The following EPYC variants were observed in gnomAD, a reference collection of about 807,000 sequenced individuals.
EPYC encodes the protein dermatan sulfate proteoglycan 3.
A neutral mutation model predicts 30.1 loss-of-function variants in EPYC; 28 were observed. That is an observed-to-expected ratio of 0.93 (90% confidence interval 0.69 to 1.28). EPYC has a LOEUF of 1.28. Ranked by LOEUF, EPYC falls within the 50% of genes most tolerant of loss-of-function variation. The probability of loss-of-function intolerance (pLI) is 0.00; values close to 1 mark genes in which losing one functional copy is unlikely to be tolerated. For synonymous variants in EPYC, 144 were observed against 141.4 expected (o/e 1.02, Z -0.13); for missense variants, 382 against 383.5 (o/e 1.00, Z 0.03).
intron 3 of EPYC, 84 bp downstream of exon 3, chr12:90,978,004 G>A (rs1877227867): frequency 1.6e-6 from 2 of 1,274,012 alleles, no homozygotes; most frequent in Non-Finnish European, 2.1e-6. Flanking sequence ...GTCATGTCAT[G>A]TGGTTTCCCT....
At chr12:90,979,198 T>A (rs527732981) in intron 2 of EPYC, among the ~76,000 whole-genome samples, 1 of 152,214 alleles carries the variant, frequency 6.6e-6, no homozygotes, top group Admixed American at 6.6e-5. Context: ...TCTCTGACGG[T>A]CTCGTAAGCT....
At chr12:90,996,863 A>C (rs1044482445) in intron 2 of EPYC, among the ~76,000 whole-genome samples, 2 of 152,074 alleles carry the variant, frequency 1.3e-5, no homozygotes, top group South Asian at 4.1e-4. Context: ...CATTCCAGAA[A>C]GGATACGGAC....
At chr12:91,001,210 T>C (rs979111287) in intron 2 of EPYC, among the ~76,000 whole-genome samples, 16 of 152,062 alleles carry the variant, frequency 1.1e-4, no homozygotes, top group African/African-American at 3.9e-4. Context: ...CTGACTCTTG[T>C]ATTCATAAGG....
At chr12:90,973,541 G>A (rs1877106701) in intron 3 of EPYC, among the ~76,000 whole-genome samples, 1 of 152,160 alleles carries the variant, frequency 6.6e-6, no homozygotes, top group Non-Finnish European at 1.5e-5. Context: ...ATGTCATGAA[G>A]TGTCATCTGA....
chr12:90,982,271 T>C (rs1179625689), intron 2 of EPYC, among the ~76,000 whole-genome samples: 1 of 151,498 alleles, frequency 6.6e-6, no homozygotes, highest in Non-Finnish European at 1.5e-5. Context: ...AAGAATGGAA[T>C]CTTTTAAAAA....
chr12:90,990,402 T>A (rs542748550), intron 2 of EPYC, among the ~76,000 whole-genome samples: 29 of 152,238 alleles, frequency 1.9e-4, no homozygotes, highest in African/African-American at 6.7e-4. Flanking sequence ...TTACAAAGGA[T>A]ATCCCAGAGA....
chr12:90,992,381 A>G (rs1877605332), intron 2 of EPYC, among the ~76,000 whole-genome samples: 1 of 152,168 alleles, frequency 6.6e-6, no homozygotes, highest in Admixed American at 6.5e-5. Flanking sequence ...AGCATGGGGA[A>G]TAGAGAAAAC....
intron 2 of EPYC, among the ~76,000 whole-genome samples, chr12:90,981,375 A>AT (rs1304395332): frequency 6.6e-6 from 1 of 152,178 alleles, no homozygotes; most frequent in Non-Finnish European, 1.5e-5. Context: ...GCAGAAAATC[A>AT]TCCAATTACA....
intron 2 of EPYC, 49 bp from the exon 3 acceptor site, chr12:90,978,311 ACT>A (rs775916852): frequency 1.1e-3 from 1,646 of 1,543,148 alleles, no homozygotes; most frequent in Non-Finnish European, 1.4e-3. Flanking sequence ...CTTCTCAGTC[ACT>A]CTGTGTGGCA....
In EPYC at chr12:90,978,188, C is replaced by T. The variant is rs776991646; in HGVS notation, c.240G>A (p.Gln80=). 6.2e-7 allele frequency: 1 copy of T among 1,606,712 alleles called. No homozygotes were observed. Among genetic ancestry groups the T allele is most frequent in the Non-Finnish European group, 8.5e-7 (1 of 1,176,734 alleles). The change falls in exon 3 of 7, where the codon CAG becomes CAA. Residue 80 remains glutamine (Q), a synonymous_variant. Coordinates refer to ENST00000261172, the MANE Select transcript of EPYC (RefSeq NM_004950.5). ...TAGATTCCTCCTCCTCTTCCTCTTC[C>T]TGGGCCTTCTCAGGCTGTGGGGGTG... ...LTPPPQPEKA[Q]EEEEEEESTP...
intron 2 of EPYC, among the ~76,000 whole-genome samples, chr12:90,985,411 C>T (rs1046086576): frequency 5.9e-5 from 9 of 152,108 alleles, no homozygotes; most frequent in African/African-American, 1.7e-4. Context: ...GAGGAGAAAG[C>T]TCCAAAAGCG....
At chr12:90,988,747 C>T (rs1565874543) in intron 2 of EPYC, among the ~76,000 whole-genome samples, 2 of 152,108 alleles carry the variant, frequency 1.3e-5, no homozygotes, top group South Asian at 2.1e-4. Flanking sequence ...ATAAGAGATT[C>T]TATCTTGCTG....
At chr12:90,988,250 C>G (rs1447552823) in intron 2 of EPYC, among the ~76,000 whole-genome samples, 2 of 151,934 alleles carry the variant, frequency 1.3e-5, no homozygotes, top group African/African-American at 4.8e-5. Flanking sequence ...TTTAAAATGC[C>G]CAATGAGAGG....
chr12:90,969,940 C>A, intron 6 of EPYC, 104 bp downstream of exon 6: 2 of 754,814 alleles, frequency 2.6e-6, no homozygotes, highest in Non-Finnish European at 2.3e-6. Flanking sequence ...AAAGTTATCA[C>A]AGTGTGTCAA....
chr12:90,974,071 CA>C (rs1370880677), intron 3 of EPYC, among the ~76,000 whole-genome samples: 11 of 150,808 alleles, frequency 7.3e-5, no homozygotes, highest in South Asian at 6.3e-4. Context: ...CACACACACA[CA>C]CCCCTACCTC....
chr12:90,976,314 A>G (rs1396528455), intron 3 of EPYC, among the ~76,000 whole-genome samples: 1 of 152,148 alleles, frequency 6.6e-6, no homozygotes. Flanking sequence ...AAAAAAATGC[A>G]TGAACTCCTT....
At chr12:90,965,167 G>A (rs1232629005) in intron 6 of EPYC, among the ~76,000 whole-genome samples, 1 of 152,092 alleles carries the variant, frequency 6.6e-6, no homozygotes, top group Non-Finnish European at 1.5e-5. Flanking sequence ...GTTCATACAT[G>A]TTGTAGGATG....
chr12:90,971,684 A>AAATG (rs1877048290), intron 5 of EPYC, 116 bp downstream of exon 5: 1 of 286,432 alleles, frequency 3.5e-6, no homozygotes. Flanking sequence ...ATAAATAAAT[A>AAATG]AATAAATAAA....
At chr12:90,984,965 C>T (rs1342264637) in intron 2 of EPYC, among the ~76,000 whole-genome samples, 3 of 152,248 alleles carry the variant, frequency 2.0e-5, no homozygotes, top group South Asian at 4.2e-4. Context: ...AGATGTCCTA[C>T]GGGGTCTAGG....
Sources: allele counts gnomAD v4.1 joint callset (sites outside exome capture counted in the v4.1 genomes callset), GRCh38; gene constraint gnomAD v4.1.1; transcripts MANE v1.5; gene names NCBI Gene and HGNC (gene_info 2026-07-23, HGNC 2026-07-21).